The following STK38 variants were observed in gnomAD, a reference collection of about 807,000 sequenced individuals.
STK38 encodes the protein serine/threonine kinase 38.
In STK38, 26 loss-of-function variants were observed where a neutral mutation model predicts 59.0. The observed-to-expected ratio is 0.44, with a 90% CI of 0.32 to 0.61. The LOEUF (loss-of-function observed/expected upper bound fraction) is 0.61, where lower values mean the gene tolerates loss of function less well. Among genes scored for constraint, STK38 ranks in the 20% least tolerant of loss-of-function variants. The probability of loss-of-function intolerance (pLI) is 0.04; values close to 1 mark genes in which losing one functional copy is unlikely to be tolerated. For synonymous variants in STK38, 175 were observed against 176.6 expected (o/e 0.99, Z 0.07); for missense variants, 433 against 566.0 (o/e 0.76, Z 2.38).
In STK38 at chr6:36,527,207, A is replaced by AAAAAAT. The variant is rs60162863; in HGVS notation, c.132-1566_132-1565insATTTTT. The stretch of plus-strand genomic sequence containing the variant: ...ACTCCGTCTCAAAAAAAAAAAAAAA[A>AAAAAAT]ATATATGTATATATATATATATTTA... On this transcript the variant is annotated intron_variant, in intron 2 of 13. Transcript: ENST00000229812. Among the ~76,000 whole-genome samples the AAAAAAT allele has an allele frequency of 2.0e-3, 237 of 119,332 alleles. 6 individuals are homozygous for AAAAAAT. Among genetic ancestry groups the AAAAAAT allele is most frequent in the African/African-American group, 5.9e-3 (168 of 28,574 alleles). 78.3% of individuals were successfully genotyped at this position (119,332 alleles called of 152,430 possible).
At chr6:36,528,701 G>C (rs1288342227) in intron 2 of STK38, among the ~76,000 whole-genome samples, 1 of 152,198 alleles carries the variant, frequency 6.6e-6, no homozygotes, top group Non-Finnish European at 1.5e-5. Flanking sequence ...AAAAGTCAAA[G>C]CATAACATGC....
chr6:36,502,285 G>A (rs964718989), intron 9 of STK38, among the ~76,000 whole-genome samples: 3 of 152,280 alleles, frequency 2.0e-5, no homozygotes, highest in Admixed American at 1.3e-4. Context: ...TGGGACTGTA[G>A]GGATGTGCCA....
At chr6:36,523,679 G>A (rs1777439637) in intron 4 of STK38, among the ~76,000 whole-genome samples, 1 of 152,218 alleles carries the variant, frequency 6.6e-6, no homozygotes, top group Non-Finnish European at 1.5e-5. Context: ...GCTCTTTCAA[G>A]CTCTCCCCAA....
intron 2 of STK38, among the ~76,000 whole-genome samples, chr6:36,539,661 C>T: frequency 6.6e-6 from 1 of 151,948 alleles, no homozygotes; most frequent in East Asian, 1.9e-4. Flanking sequence ...ACTGGCAGGA[C>T]TCTAAACCCA....
chr6:36,523,914 C>CT (rs1438107033), intron 4 of STK38, among the ~76,000 whole-genome samples: 1 of 152,200 alleles, frequency 6.6e-6, no homozygotes, highest in Non-Finnish European at 1.5e-5. Context: ...AAAGCAAGCT[C>CT]TTTGAGTTCA....
At chr6:36,539,172 G>C (rs1424404263) in intron 2 of STK38, among the ~76,000 whole-genome samples, 1 of 151,806 alleles carries the variant, frequency 6.6e-6, no homozygotes, top group Non-Finnish European at 1.5e-5. Flanking sequence ...GAATGCCTGA[G>C]GTCAGGAGTT....
In STK38 at chr6:36,497,953, T is replaced by C. The variant is rs901150432; in HGVS notation, c.1077-78A>G. On this transcript the variant is annotated intron_variant, in intron 11 of 13. Coordinates refer to ENST00000229812, the MANE Select transcript of STK38 (RefSeq NM_007271.4). Reference sequence around the variant, plus strand: ...GAAAAACTTTCTTTTTTTTTTTTTTTTTTTGAGACAGCATCTCACTCTGTC... The same window carrying C: ...GAAAAACTTTCTTTTTTTTTTTTTTCTTTTGAGACAGCATCTCACTCTGTC... The C allele has an allele frequency of 4.6e-6, 5 of 1,078,814 alleles. No homozygotes were observed. The African/African-American group carries it at 4.9e-5, about 11-fold the overall frequency. 66.8% of individuals were successfully genotyped at this position (1,078,814 alleles called of 1,614,324 possible). A position where few individuals can be genotyped will look rare whatever the true frequency, so the allele number is the denominator to read the frequency against.
chr6:36,513,926 C>G (rs553166183), intron 7 of STK38, among the ~76,000 whole-genome samples: 2 of 146,780 alleles, frequency 1.4e-5, no homozygotes, highest in African/African-American at 2.5e-5. Flanking sequence ...GAGGCCAAGG[C>G]GGGCAGATCA....
Position 36,498,422 on chromosome 6 carries a change from T to G in STK38, c.1017A>C (p.Glu339Asp). ...GAACTTCTGGAGGAAAAGTCAAAGT[T>G]TCTTTCCAGTTCATCACCTTCTTAT... is the stretch of plus-strand genomic sequence containing the variant. ...ETYKKVMNWK[E>D]TLTFPPEVPI... Residue 339 changes from glutamate to aspartate, a missense_variant, in exon 11 of 14, where the codon GAA becomes GAC. Around this residue, in one of 3 missense-constraint regions of STK38, gnomAD observed 136 missense variants for 156.7 expected, o/e 0.87. Transcript: ENST00000229812. 1 of 1,614,062 alleles carries G rather than the reference T, an allele frequency of 6.2e-7. No homozygotes were observed.
intron 2 of STK38, among the ~76,000 whole-genome samples, chr6:36,535,945 A>G (rs2127488933): frequency 6.6e-6 from 1 of 152,174 alleles, no homozygotes; most frequent in Non-Finnish European, 1.5e-5. Context: ...TGACTCTAAA[A>G]TTTATAATAA....
chr6:36,509,803 A>C (rs114901627), intron 7 of STK38, among the ~76,000 whole-genome samples: 2,882 of 151,956 alleles, frequency 0.019, 40 homozygotes, highest in Non-Finnish European at 0.027. Context: ...CATTTTTTTC[A>C]TCTATCGCTC....
chr6:36,536,007 G>A (rs908621064), intron 2 of STK38, among the ~76,000 whole-genome samples: 17 of 151,820 alleles, frequency 1.1e-4, no homozygotes, highest in Admixed American at 7.2e-4. Flanking sequence ...AATGACCAAA[G>A]CTGGAGGACT....
intron 5 of STK38, among the ~76,000 whole-genome samples, chr6:36,518,522 A>G (rs768967535): frequency 1.3e-5 from 2 of 152,202 alleles, no homozygotes; most frequent in Non-Finnish European, 2.9e-5. Flanking sequence ...CAGAACAGTA[A>G]TCAAACATCA....
intron 2 of STK38, among the ~76,000 whole-genome samples, chr6:36,530,786 T>G (rs1005279851): frequency 1.3e-4 from 20 of 151,156 alleles, no homozygotes; most frequent in Admixed American, 1.3e-3. Flanking sequence ...GCTTCCCGGG[T>G]TCAGGTGATT....
At chr6:36,528,931 T>G (rs1271061561) in intron 2 of STK38, among the ~76,000 whole-genome samples, 1 of 152,160 alleles carries the variant, frequency 6.6e-6, no homozygotes, top group African/African-American at 2.4e-5. Flanking sequence ...GAAGTGTAAT[T>G]AAATTGGTTG....
At chr6:36,542,141 T>C (rs923575548) in intron 1 of STK38, among the ~76,000 whole-genome samples, 2 of 152,108 alleles carry the variant, frequency 1.3e-5, no homozygotes, top group African/African-American at 4.8e-5. Context: ...AGCCCATGTT[T>C]TTCTATATTT....
At chr6:36,528,095 C>A (rs138684015) in intron 2 of STK38, among the ~76,000 whole-genome samples, 1 of 150,480 alleles carries the variant, frequency 6.6e-6, no homozygotes, top group Non-Finnish European at 1.5e-5. Flanking sequence ...GGTAACAGAG[C>A]GAGACTCCAT....
intron 9 of STK38, among the ~76,000 whole-genome samples, chr6:36,501,553 C>CT (rs61042158): frequency 0.19 from 25,271 of 136,522 alleles, 3,061 homozygotes; most frequent in African/African-American, 0.33. Flanking sequence ...GATCATTTGT[C>CT]TTTTTTTTTT....
At chr6:36,522,763 G>A (rs1777409308) in intron 4 of STK38, among the ~76,000 whole-genome samples, 1 of 143,818 alleles carries the variant, frequency 7.0e-6, no homozygotes, top group African/African-American at 2.6e-5. Flanking sequence ...GGCTAAGGCA[G>A]TAGAATCACT....
Sources: gnomAD v4.1 joint callset for allele counts (sites outside exome capture counted in the v4.1 genomes callset) on GRCh38, gnomAD v4.1.1 for gene constraint, gnomAD v4.1.1 regional missense constraint, MANE v1.5 for transcripts, NCBI Gene and HGNC (gene_info 2026-07-23, HGNC 2026-07-21) for gene names.